The following CACNB2 variants were observed in gnomAD, a reference collection of about 807,000 sequenced individuals.
CACNB2 encodes the protein calcium voltage-gated channel auxiliary subunit beta 2.
In CACNB2, 42 loss-of-function variants were observed where a neutral mutation model predicts 73.3. The ratio of observed to expected loss-of-function variants is 0.57; its 90% CI spans 0.45 to 0.74. CACNB2 has a LOEUF of 0.74. Among genes scored for constraint, CACNB2 ranks in the 30% least tolerant of loss-of-function variants. The probability of loss-of-function intolerance (pLI) is 0.00; values close to 1 mark genes in which losing one functional copy is unlikely to be tolerated. For synonymous variants in CACNB2, 348 were observed against 310.3 expected, an observed-to-expected ratio of 1.12 and a Z score of -1.28; for missense variants, 940 against 853.0, an observed-to-expected ratio of 1.10 and a Z score of -1.27.
chr10:18,335,784 A>AACACACACACACACAC (rs10545839), intron 2 of CACNB2, among the ~76,000 whole-genome samples: 11 of 144,080 alleles, frequency 7.6e-5, no homozygotes, highest in South Asian at 4.6e-4. Flanking sequence ...ACAGCAAGAA[A>AACACACACACACACAC]ACACACACAC....
At chr10:18,214,214 G>C (rs1042249891) in intron 2 of CACNB2, among the ~76,000 whole-genome samples, 1 of 22,608 alleles carries the variant, frequency 4.4e-5, no homozygotes, top group African/African-American at 6.6e-5. Context: ...TTTAAAACGG[G>C]GGCAGCACAT....
At chr10:18,466,790 C>T (rs1047405728) in intron 3 of CACNB2, among the ~76,000 whole-genome samples, 7 of 152,026 alleles carry the variant, frequency 4.6e-5, no homozygotes, top group Admixed American at 6.6e-5. Flanking sequence ...AACTGGGCCC[C>T]GGATTGAAGC....
Position 18,538,213 on chromosome 10 carries a change from C to T in CACNB2, c.1336C>T (p.Leu446Phe). Residue 446 changes from leucine to phenylalanine, a missense_variant, in exon 13 of 14, where the codon CTT becomes TTT. By Grantham distance (22) the Leu-to-Phe change is conservative. Coordinates refer to ENST00000324631, the MANE Select transcript of CACNB2 (RefSeq NM_201596.3). The part of the protein sequence containing the change: ...LFDVILDENQ[L>F]EDACEHLADY... ...CGATGTGATCTTGGATGAGAACCAG[C>T]TTGAGGATGCCTGTGAGCACCTTGC... The T allele has an allele frequency of 1.2e-6, 2 of 1,614,058 alleles. No individual in the cohort carries two copies.
intron 3 of CACNB2, among the ~76,000 whole-genome samples, chr10:18,494,563 C>T (rs1339989634): frequency 2.5e-4 from 36 of 143,032 alleles, no homozygotes; most frequent in East Asian, 1.3e-3. Flanking sequence ...ACCCAGGAGG[C>T]GGAGTTTGCA....
intron 1 of CACNB2, among the ~76,000 whole-genome samples, chr10:18,144,269 G>A (rs1174911308): frequency 6.6e-6 from 1 of 152,046 alleles, no homozygotes; most frequent in East Asian, 1.9e-4. Flanking sequence ...TAGTAGAGAC[G>A]AGGTTTCACC....
intron 2 of CACNB2, among the ~76,000 whole-genome samples, chr10:18,379,843 C>G (rs1437053480): frequency 6.6e-6 from 1 of 152,144 alleles, no homozygotes; most frequent in African/African-American, 2.4e-5. Context: ...TGCACCACCT[C>G]GCCTGGCTAA....
At chr10:18,294,548 T>C (rs931795261) in intron 2 of CACNB2, among the ~76,000 whole-genome samples, 1 of 152,168 alleles carries the variant, frequency 6.6e-6, no homozygotes. Context: ...CATAAGATGG[T>C]GAATGAAATA....
intron 2 of CACNB2, among the ~76,000 whole-genome samples, chr10:18,289,930 T>C (rs1375258325): frequency 6.6e-6 from 1 of 151,814 alleles, no homozygotes; most frequent in Non-Finnish European, 1.5e-5. Flanking sequence ...AATATATAGA[T>C]GAGCAATTCT....
chr10:18,221,171 C>A (rs1183367856), intron 2 of CACNB2, among the ~76,000 whole-genome samples: 1 of 152,088 alleles, frequency 6.6e-6, no homozygotes, highest in Non-Finnish European at 1.5e-5. Context: ...TCATCTTTTT[C>A]CTCGAATCTT....
intron 2 of CACNB2, among the ~76,000 whole-genome samples, chr10:18,159,830 G>A (rs1252169817): frequency 6.6e-6 from 1 of 152,172 alleles, no homozygotes; most frequent in Non-Finnish European, 1.5e-5. Flanking sequence ...TTGTTATGCT[G>A]TATGCGTCAC....
chr10:18,369,613 A>G (rs1478100307), intron 2 of CACNB2, among the ~76,000 whole-genome samples: 1 of 152,074 alleles, frequency 6.6e-6, no homozygotes, highest in East Asian at 1.9e-4. Flanking sequence ...TAGTGGACAA[A>G]AGGGATAAGA....
chr10:18,498,335 T>A lies in CACNB2; in HGVS notation c.334-20T>A. On this transcript the variant is annotated intron_variant, in intron 3 of 13. Coordinates refer to ENST00000324631, the MANE Select transcript of CACNB2 (RefSeq NM_201596.3). ...GTTGTTTTGCTCTTATTTTTTTCCCTCTTCCTTTTCCCACTTTAGACAAAG... is the reference window on the plus strand; with the variant it reads ...GTTGTTTTGCTCTTATTTTTTTCCCACTTCCTTTTCCCACTTTAGACAAAG... The A allele has an allele frequency of 6.2e-7, 1 of 1,614,020 alleles. No homozygotes were observed. The highest frequency in any genetic ancestry group is 8.5e-7 in the Non-Finnish European group (1 of 1,179,932).
At chr10:18,181,981 G>T (rs1472439179) in intron 2 of CACNB2, 1 of 152,090 alleles carries the variant, frequency 6.6e-6, no homozygotes, top group East Asian at 1.9e-4. Context: ...GACCCTGTGG[G>T]GTTCTCCTAG....
intron 3 of CACNB2, among the ~76,000 whole-genome samples, chr10:18,489,280 C>T (rs1219162107): frequency 6.6e-6 from 1 of 151,244 alleles, no homozygotes; most frequent in African/African-American, 2.4e-5. Flanking sequence ...ATCCCAGCTA[C>T]TCAGTGGGCT....
intron 2 of CACNB2, among the ~76,000 whole-genome samples, chr10:18,282,413 A>C (rs1438111532): frequency 6.6e-6 from 1 of 152,196 alleles, no homozygotes; most frequent in Non-Finnish European, 1.5e-5. Flanking sequence ...TGTCATAGAC[A>C]AAAGATAGAC....
chr10:18,349,726 T>A (rs1394806708), intron 2 of CACNB2, among the ~76,000 whole-genome samples: 7 of 145,596 alleles, frequency 4.8e-5, no homozygotes, highest in South Asian at 2.2e-4. Flanking sequence ...GGAGATGATT[T>A]AAAAAAAAAA....
At chr10:18,446,575 T>C (rs544115016) in intron 3 of CACNB2, among the ~76,000 whole-genome samples, 1 of 152,218 alleles carries the variant, frequency 6.6e-6, no homozygotes, top group Non-Finnish European at 1.5e-5. Context: ...CTAATGTGTA[T>C]TGGTAGATGT....
At chr10:18,532,516 TAC>T (rs919082699) in intron 10 of CACNB2, among the ~76,000 whole-genome samples, 45 of 151,062 alleles carry the variant, frequency 3.0e-4, no homozygotes, top group African/African-American at 1.1e-3. Flanking sequence ...CTACTAAAAG[TAC>T]AAAACATTAG....
intron 3 of CACNB2, among the ~76,000 whole-genome samples, chr10:18,460,474 A>C (rs1475925032): frequency 6.6e-6 from 1 of 151,458 alleles, no homozygotes; most frequent in East Asian, 2.0e-4. Flanking sequence ...AATTATTTCT[A>C]TTTTTTCCTG....
Sources: gnomAD v4.1 joint callset for allele counts (sites outside exome capture counted in the v4.1 genomes callset) on GRCh38, gnomAD v4.1.1 for gene constraint, MANE v1.5 for transcripts, NCBI Gene and HGNC (gene_info 2026-07-23, HGNC 2026-07-21) for gene names.